The following RBFOX1 variants were observed in gnomAD, a reference collection of about 807,000 sequenced individuals.
RBFOX1 encodes RNA binding fox-1 homolog 1, also known as RNA binding protein fox-1 homolog 1.
A neutral mutation model predicts 57.7 loss-of-function variants in RBFOX1; 8 were observed. That is an observed-to-expected ratio of 0.14 (90% CI 0.08 to 0.25). RBFOX1 has a LOEUF of 0.25. RBFOX1 is among the 10% of genes least tolerant of loss of function. The pLI is 1.00. For missense variants in RBFOX1, 611 were observed against 548.5 expected, an observed-to-expected ratio of 1.11 and a Z score of -1.14; for synonymous variants, 326 against 222.4, an observed-to-expected ratio of 1.47 and a Z score of -4.15.
At chr16:6,482,468 A>G (rs1287063716) in intron 2 of RBFOX1, among the ~76,000 whole-genome samples, 4 of 152,226 alleles carry the variant, frequency 2.6e-5, no homozygotes, top group Non-Finnish European at 5.9e-5. Flanking sequence ...AACAGCAACA[A>G]AAAAAGTGAA....
chr16:5,345,817 T>A (rs2065127093), intron 1 of RBFOX1, among the ~76,000 whole-genome samples: 1 of 152,172 alleles, frequency 6.6e-6, no homozygotes, highest in Non-Finnish European at 1.5e-5. Context: ...CTTCTGTACA[T>A]AATGCCTGGA....
At chr16:7,101,156 A>G (rs532828350) in intron 4 of RBFOX1, among the ~76,000 whole-genome samples, 2 of 152,264 alleles carry the variant, frequency 1.3e-5, no homozygotes, top group African/African-American at 4.8e-5. Context: ...GCTGAGTATT[A>G]ATTTAGTCAG....
intron 11 of RBFOX1, among the ~76,000 whole-genome samples, chr16:7,646,312 T>G (rs141029370): frequency 6.6e-6 from 1 of 152,234 alleles, no homozygotes; most frequent in Non-Finnish European, 1.5e-5. Flanking sequence ...ATGCCACTTC[T>G]TAATTTATGG....
chr16:6,316,612 C>A (rs1156806047), intron 1 of RBFOX1, among the ~76,000 whole-genome samples: 1 of 152,160 alleles, frequency 6.6e-6, no homozygotes, highest in East Asian at 1.9e-4. Flanking sequence ...TTGAACACCT[C>A]CTGTGACAAG....
intron 3 of RBFOX1, among the ~76,000 whole-genome samples, chr16:6,967,745 C>G (rs970141485): frequency 5.9e-5 from 9 of 152,098 alleles, no homozygotes; most frequent in African/African-American, 2.2e-4. Flanking sequence ...TTGTGCCCAT[C>G]TGCCCGTGCA....
chr16:5,536,986 A>G (rs377328855), intron 2 of RBFOX1, among the ~76,000 whole-genome samples: 7 of 152,324 alleles, frequency 4.6e-5, no homozygotes, highest in South Asian at 4.1e-4. Flanking sequence ...TAAGCTTTCT[A>G]TCACTGCATA....
chr16:7,158,262 C>G (rs76662588), intron 4 of RBFOX1, among the ~76,000 whole-genome samples: 19,904 of 152,006 alleles, frequency 0.13, 1,547 homozygotes, highest in East Asian at 0.33. Flanking sequence ...AGGAGAATCA[C>G]TTGAAACTGG....
intron 3 of RBFOX1, among the ~76,000 whole-genome samples, chr16:6,982,804 C>T (rs189837911): frequency 1.3e-5 from 2 of 151,964 alleles, no homozygotes; most frequent in Non-Finnish European, 2.9e-5. Flanking sequence ...ACCAGCCTGG[C>T]CAACATGGCG....
Position 7,666,852 on chromosome 16 carries a change from A to G in RBFOX1, c.930+1884A>G, listed in dbSNP as rs536773216. ...TCCTTTAGGAGATTTTGTCTCTCACACATTCATCATGTTTGGGCCAAGCCC... is the reference window on the plus strand; with the variant it reads ...TCCTTTAGGAGATTTTGTCTCTCACGCATTCATCATGTTTGGGCCAAGCCC... On this transcript the variant is annotated intron_variant, in intron 13 of 15. Coordinates refer to ENST00000550418, the MANE Select transcript of RBFOX1 (RefSeq NM_018723.4). 8.5e-5 allele frequency among the ~76,000 whole-genome samples: 13 copies of G among 152,318 alleles called. No homozygotes were observed. The South Asian group carries it at 1.7e-3, about 19-fold the overall frequency.
intron 2 of RBFOX1, among the ~76,000 whole-genome samples, chr16:6,448,461 A>T (rs1429086318): frequency 6.6e-6 from 1 of 152,064 alleles, no homozygotes; most frequent in African/African-American, 2.4e-5. Flanking sequence ...CCAACCAGGC[A>T]TTTTTCAACC....
chr16:7,506,412 G>A (rs544767241), intron 4 of RBFOX1, among the ~76,000 whole-genome samples: 2 of 152,110 alleles, frequency 1.3e-5, no homozygotes, highest in South Asian at 2.1e-4. Context: ...AAAAATATGC[G>A]GTGTGTTGGA....
intron 1 of RBFOX1, among the ~76,000 whole-genome samples, chr16:6,196,510 T>C (rs1351159196): frequency 6.6e-6 from 1 of 152,164 alleles, no homozygotes; most frequent in African/African-American, 2.4e-5. Context: ...TAGCTTCCCA[T>C]TCTGAAATAT....
At chr16:7,470,374 G>C (rs2061345294) in intron 4 of RBFOX1, among the ~76,000 whole-genome samples, 1 of 152,224 alleles carries the variant, frequency 6.6e-6, no homozygotes, top group Admixed American at 6.5e-5. Flanking sequence ...TTTGAAATGA[G>C]TGATTGTAGG....
intron 1 of RBFOX1, among the ~76,000 whole-genome samples, chr16:5,256,990 G>A (rs1409483716): frequency 1.3e-5 from 2 of 151,928 alleles, no homozygotes; most frequent in Non-Finnish European, 2.9e-5. Flanking sequence ...TCCTGGGGGA[G>A]GCAATTTGTC....
At chr16:7,122,755 A>G (rs1293085772) in intron 4 of RBFOX1, among the ~76,000 whole-genome samples, 5 of 152,162 alleles carry the variant, frequency 3.3e-5, no homozygotes, top group Admixed American at 3.3e-4. Context: ...TATAAAAAAC[A>G]TGTACATGTC....
chr16:6,172,777 A>G (rs1227844411), intron 1 of RBFOX1, among the ~76,000 whole-genome samples: 2 of 152,172 alleles, frequency 1.3e-5, no homozygotes, highest in East Asian at 3.9e-4. Context: ...TGCTGCATTT[A>G]TTTTTTTATT....
intron 3 of RBFOX1, among the ~76,000 whole-genome samples, chr16:6,962,817 A>G (rs1160713855): frequency 1.3e-5 from 2 of 151,528 alleles, no homozygotes; most frequent in African/African-American, 2.4e-5. Flanking sequence ...GTGAGCTGTG[A>G]TCATGCCACT....
intron 2 of RBFOX1, among the ~76,000 whole-genome samples, chr16:6,365,254 G>A (rs1319786370): frequency 1.3e-5 from 2 of 152,088 alleles, no homozygotes; most frequent in Admixed American, 6.5e-5. Context: ...AGGGACAGAT[G>A]GATGGGGGGA....
chr16:5,672,856 T>G (rs7200576), intron 3 of RBFOX1, among the ~76,000 whole-genome samples: 3 of 438 alleles, frequency 6.8e-3, no homozygotes, highest in African/African-American at 0.023. Flanking sequence ...TCACCGTAGG[T>G]GTGTGTGTGT....
Sources: allele counts gnomAD v4.1 joint callset (sites outside exome capture counted in the v4.1 genomes callset), GRCh38; gene constraint gnomAD v4.1.1; transcripts MANE v1.5; gene names NCBI Gene and HGNC (gene_info 2026-07-23, HGNC 2026-07-21).